MALRD1: variants seen among roughly 807,000 people sequenced by gnomAD.
MALRD1 encodes the protein MAM and LDL-receptor class A domain-containing protein 1.
Under a neutral mutation model 242.1 loss-of-function variants are expected in MALRD1, and 247 were observed. The ratio of observed to expected loss-of-function variants is 1.02; its 90% confidence interval spans 0.92 to 1.13. The LOEUF is 1.13. MALRD1 is among the 50% of genes most tolerant of loss of function. The pLI is 0.00. For synonymous variants in MALRD1, 995 were observed against 866.6 expected (o/e 1.15, Z -2.60); for missense variants, 2,989 against 2,533.1 (o/e 1.18, Z -3.86).
chr10:19,644,402 T>TA (rs761561398), intron 36 of MALRD1, among the ~76,000 whole-genome samples: 2 of 12,032 alleles, frequency 1.7e-4, no homozygotes, highest in African/African-American at 6.7e-4. Context: ...AGAAGGTTCT[T>TA]ACTGCAACTG....
At chr10:19,702,371 C>T (rs1833667065) in intron 38 of MALRD1, among the ~76,000 whole-genome samples, 1 of 152,170 alleles carries the variant, frequency 6.6e-6, no homozygotes, top group African/African-American at 2.4e-5. Context: ...TTCAACCGCA[C>T]ATATATTGGA....
At chr10:19,211,219 T>A (rs898296178) in intron 18 of MALRD1, among the ~76,000 whole-genome samples, 1 of 152,108 alleles carries the variant, frequency 6.6e-6, no homozygotes, top group Non-Finnish European at 1.5e-5. Flanking sequence ...CAAGGAACAC[T>A]TTCGTCATGA....
At chr10:19,285,352 C>T (rs1453406232) in intron 21 of MALRD1, among the ~76,000 whole-genome samples, 1 of 141,804 alleles carries the variant, frequency 7.1e-6, no homozygotes, top group African/African-American at 2.7e-5. Context: ...AATGGTAATG[C>T]CTAGGTTTTC....
intron 38 of MALRD1, among the ~76,000 whole-genome samples, chr10:19,696,971 A>G (rs933260766): frequency 3.3e-5 from 5 of 152,136 alleles, no homozygotes; most frequent in African/African-American, 9.7e-5. Flanking sequence ...TTATGAGCCT[A>G]CAATATGCTA....
At chr10:19,179,591 C>T (rs964076849) in intron 14 of MALRD1, among the ~76,000 whole-genome samples, 2 of 152,024 alleles carry the variant, frequency 1.3e-5, no homozygotes, top group African/African-American at 4.8e-5. Flanking sequence ...GCATTACAGC[C>T]TGGGTGACAG....
At chr10:19,233,936 A>G (rs1373148899) in intron 18 of MALRD1, among the ~76,000 whole-genome samples, 1 of 151,764 alleles carries the variant, frequency 6.6e-6, no homozygotes, top group Non-Finnish European at 1.5e-5. Flanking sequence ...TGAAGTTTTT[A>G]TGTTTTGTTT....
intron 32 of MALRD1, among the ~76,000 whole-genome samples, chr10:19,562,129 C>T (rs766330039): frequency 2.9e-4 from 44 of 152,190 alleles, no homozygotes; most frequent in Middle Eastern, 3.4e-3. Flanking sequence ...AACCCTGTCT[C>T]TACTAAAAAT....
intron 38 of MALRD1, among the ~76,000 whole-genome samples, chr10:19,705,804 T>A (rs866445487): frequency 1.1e-3 from 113 of 102,856 alleles, no homozygotes; most frequent in Admixed American, 1.5e-3. Context: ...CCTGCAATAG[T>A]AAAAAAAAAA....
chr10:19,493,677 G>A (rs368945681), intron 30 of MALRD1, among the ~76,000 whole-genome samples: 2 of 150,864 alleles, frequency 1.3e-5, no homozygotes, highest in Non-Finnish European at 3.0e-5. Flanking sequence ...AGCCGTTCCT[G>A]GTGGTGGATG....
At chr10:19,705,330 G>A (rs1393310035) in intron 38 of MALRD1, among the ~76,000 whole-genome samples, 2 of 152,162 alleles carry the variant, frequency 1.3e-5, no homozygotes, top group East Asian at 1.9e-4. Context: ...TCACGAGTGA[G>A]CATGTCCTGG....
intron 18 of MALRD1, among the ~76,000 whole-genome samples, chr10:19,229,025 G>T (rs966878945): frequency 6.6e-6 from 1 of 151,742 alleles, no homozygotes; most frequent in Non-Finnish European, 1.5e-5. Flanking sequence ...TTGAAGAATT[G>T]AAAAAATTTT....
At chr10:19,639,779 G>A (rs957445741) in intron 36 of MALRD1, among the ~76,000 whole-genome samples, 1 of 152,180 alleles carries the variant, frequency 6.6e-6, no homozygotes, top group Non-Finnish European at 1.5e-5. Context: ...TACAGATAAT[G>A]TGAATGTTTT....
intron 21 of MALRD1, among the ~76,000 whole-genome samples, chr10:19,296,724 G>A (rs981436056): frequency 4.0e-5 from 6 of 151,598 alleles, no homozygotes; most frequent in African/African-American, 1.5e-4. Flanking sequence ...ATGAGTATTT[G>A]TTATATAAAA....
intron 18 of MALRD1, among the ~76,000 whole-genome samples, chr10:19,254,001 T>C (rs1839403595): frequency 6.6e-6 from 1 of 151,988 alleles, no homozygotes; most frequent in Non-Finnish European, 1.5e-5. Flanking sequence ...TTCTCTCTCC[T>C]GTCACCATGT....
intron 28 of MALRD1, among the ~76,000 whole-genome samples, chr10:19,435,581 T>C (rs556056771): frequency 2.0e-5 from 3 of 152,226 alleles, no homozygotes; most frequent in Non-Finnish European, 2.9e-5. Flanking sequence ...TTAAAATGAA[T>C]AGATTGGGGT....
chr10:19,118,204 T>A (rs1445935286), intron 5 of MALRD1, among the ~76,000 whole-genome samples: 2 of 152,124 alleles, frequency 1.3e-5, no homozygotes, highest in African/African-American at 2.4e-5. Context: ...CATGTGAATA[T>A]TAGATATGTT....
chr10:19,367,149 A>G (rs1845143313), intron 26 of MALRD1, among the ~76,000 whole-genome samples: 1 of 152,062 alleles, frequency 6.6e-6, no homozygotes, highest in Non-Finnish European at 1.5e-5. Context: ...AGCTATTTGA[A>G]ACTGTAATAT....
At chr10:19,288,212 A>G (rs1841229397) in intron 21 of MALRD1, among the ~76,000 whole-genome samples, 1 of 152,058 alleles carries the variant, frequency 6.6e-6, no homozygotes, top group East Asian at 1.9e-4. Context: ...TATGGACTGC[A>G]TAAGGTGTTT....
At chr10:19,302,308 CAT>C (rs1160675076) in intron 21 of MALRD1, among the ~76,000 whole-genome samples, 4 of 151,728 alleles carry the variant, frequency 2.6e-5, no homozygotes, top group Non-Finnish European at 5.9e-5. Context: ...GAAGTGAAAA[CAT>C]ATACCCACAA....
Sources: allele counts gnomAD v4.1 joint callset (sites outside exome capture counted in the v4.1 genomes callset), GRCh38; gene constraint gnomAD v4.1.1; transcripts MANE v1.5; gene names NCBI Gene and HGNC (gene_info 2026-07-23, HGNC 2026-07-21).